ZER1: variants seen among roughly 807,000 people sequenced by gnomAD.
ZER1 encodes the protein zyg-11 related cell cycle regulator, also known as protein zer-1 homolog.
In ZER1, 11 loss-of-function variants were observed where a neutral mutation model predicts 78.8. That is an observed-to-expected ratio of 0.14 (90% CI 0.09 to 0.23). The LOEUF is 0.23. Ranked by LOEUF, ZER1 falls within the 10% of genes least tolerant of loss-of-function variation. The pLI is 1.00. For synonymous variants in ZER1, 400 were observed against 407.0 expected, an observed-to-expected ratio of 0.98 and a Z score of 0.21; for missense variants, 588 against 996.9, an observed-to-expected ratio of 0.59 and a Z score of 5.52.
At chr9:128,769,332 T>G (rs1328813055) in intron 1 of ZER1, among the ~76,000 whole-genome samples, 1 of 152,240 alleles carries the variant, frequency 6.6e-6, no homozygotes, top group Non-Finnish European at 1.5e-5. Context: ...ATTGAGCACT[T>G]TGTGTGAAAT....
chr9:128,731,289 C>T lies in ZER1; in HGVS notation c.*48G>A. 1.3e-6 allele frequency: 2 copies of T among 1,596,976 alleles called. No homozygotes were observed. The highest frequency in any genetic ancestry group is 1.7e-6 in the Non-Finnish European group (2 of 1,167,928). On this transcript the variant is annotated 3_prime_UTR_variant, in exon 16 of 16. Transcript: ENST00000291900. Reference sequence around the variant, plus strand: ...CCGCTGGGCTGCTTGAGCATGCTTCCTCCCCGCCTGTGGTCCAGAGCGGTG... The same window carrying T: ...CCGCTGGGCTGCTTGAGCATGCTTCTTCCCCGCCTGTGGTCCAGAGCGGTG...
chr9:128,742,040 G>C (rs535007318), intron 9 of ZER1, among the ~76,000 whole-genome samples, 199 bp from the exon 10 acceptor site: 5 of 152,344 alleles, frequency 3.3e-5, no homozygotes, highest in African/African-American at 7.2e-5. Context: ...GCAGGCCCGG[G>C]TGCCGTTCCT....
intron 1 of ZER1, among the ~76,000 whole-genome samples, chr9:128,768,709 T>C (rs1589551766): frequency 6.6e-6 from 1 of 152,050 alleles, no homozygotes; most frequent in East Asian, 1.9e-4. Context: ...GGGCTTGGGG[T>C]ATAAGGAGGG....
Position 128,751,114 on chromosome 9 carries a change from G to A in ZER1, c.1185+8C>T, listed in dbSNP as rs1221955428. ...ACAGGAGGCCAAGGCCCCAGGCTTG[G>A]AGCTGACCTTCAGGGCCCGCAGCAG... On this transcript the variant is annotated splice_region_variant and intron_variant, in intron 7 of 15. Coordinates refer to ENST00000291900, the MANE Select transcript of ZER1 (RefSeq NM_006336.4). This position sits in a 1 kb window ranked among gnomAD's most constrained non-coding sequence, Gnocchi z 5.4. 6.3e-7 allele frequency: 1 copy of A among 1,583,332 alleles called. No homozygotes were observed. The highest frequency in any genetic ancestry group is 8.6e-7 in the Non-Finnish European group (1 of 1,160,190).
chr9:128,737,171 G>GTGA (rs1863113745), intron 13 of ZER1, among the ~76,000 whole-genome samples: 1 of 151,804 alleles, frequency 6.6e-6, no homozygotes, highest in Admixed American at 6.6e-5. Flanking sequence ...TTTTGTAGAG[G>GTGA]TGAGGGCTCA....
intron 14 of ZER1, 53 bp from the exon 15 acceptor site, chr9:128,733,581 C>G: frequency 1.3e-6 from 2 of 1,536,146 alleles, no homozygotes; most frequent in Non-Finnish European, 1.8e-6. Flanking sequence ...CTTATCAGCC[C>G]GAGGCCCAGA....
At position 128,734,204 on chromosome 9, in the gene ZER1, AT is replaced by A. The variant is rs1183189767; in HGVS notation, c.2141-677del. 1.3e-3 allele frequency among the ~76,000 whole-genome samples: 137 copies of A among 101,834 alleles called. 2 individuals are homozygous for A. Among genetic ancestry groups the A allele is most frequent in the Non-Finnish European group, 2.3e-3 (112 of 47,886 alleles). 66.8% of individuals were successfully genotyped at this position (101,834 alleles called of 152,430 possible). ...TATATATATATATATAATAGATATA[AT>A]TTTTTTTTTGAGACAGAGTCTCACT... On this transcript the variant is annotated intron_variant, in intron 14 of 15. Coordinates refer to ENST00000291900, the MANE Select transcript of ZER1 (RefSeq NM_006336.4).
At position 128,734,142 on chromosome 9, in the gene ZER1, AAAAT is replaced by A. The variant is rs1488848822; in HGVS notation, c.2141-618_2141-615del. Among the ~76,000 whole-genome samples, 49 of 19,644 alleles carry A rather than the reference AAAAT, an allele frequency of 2.5e-3. 9 individuals carry two copies. Among genetic ancestry groups the A allele is most frequent in the African/African-American group, 5.7e-3 (47 of 8,182 alleles). The allele number at this position is 19,644 out of a possible 152,430, so 12.9% of individuals were successfully genotyped here. ...AACTCCGTCTCAAAAAAAAAAAAAAAAAATATATATATATATATATAAAATCTTA... is the reference window on the plus strand; with the variant it reads ...AACTCCGTCTCAAAAAAAAAAAAAAAATATATATATATATATAAAATCTTA... On this transcript the variant is annotated intron_variant, in intron 14 of 15. Coordinates refer to ENST00000291900, the MANE Select transcript of ZER1 (RefSeq NM_006336.4).
Position 128,740,136 on chromosome 9 carries a change from A to G in ZER1, c.1854-17T>C. 1 of 1,574,674 alleles carries G rather than the reference A, an allele frequency of 6.4e-7. No individual in the cohort carries two copies. The highest frequency in any genetic ancestry group is 8.7e-7 in the Non-Finnish European group (1 of 1,153,054). Reference sequence around the variant, plus strand: ...AACAGGTTGCTGCCAGGAGAAAGACAGAAAAATGGAGTCCCACTCCCCCAG... The same window carrying G: ...AACAGGTTGCTGCCAGGAGAAAGACGGAAAAATGGAGTCCCACTCCCCCAG... On this transcript the variant is annotated splice_polypyrimidine_tract_variant and intron_variant, in intron 12 of 15. Transcript: ENST00000291900. The surrounding 1 kb of genome is among the most constrained non-coding windows in gnomAD (Gnocchi z 4.4).
At position 128,742,639 on chromosome 9, in the gene ZER1, G is replaced by A. The variant is rs908626349; in HGVS notation, c.1466C>T (p.Thr489Met). 6.2e-6 allele frequency: 10 copies of A among 1,614,130 alleles called. No homozygotes were observed. Among genetic ancestry groups the A allele is most frequent in the South Asian group, 1.1e-5 (1 of 91,092 alleles). ...NELLLSILNP[T>M]RQDESIQRIA... ...CCGCTGGATAGACTCGTCCTGCCGC[G>A]TGGGGTTGAGGATGCTGAGCAGGAG... The change falls in exon 9 of 16, where the codon ACG (threonine) becomes ATG (methionine). Residue 489 changes from threonine to methionine, a missense_variant. Coordinates refer to ENST00000291900, the MANE Select transcript of ZER1 (RefSeq NM_006336.4).
rs1446394566 is a variant in ZER1 at position 128,733,581 on chromosome 9, C to T, written c.2141-53G>A. The T allele has an allele frequency of 1.0e-5, 16 of 1,536,146 alleles. No individual in the cohort carries two copies. In the East Asian group the frequency reaches 2.7e-4, roughly 26 times the overall value. On this transcript the variant is annotated intron_variant, in intron 14 of 15. Transcript: ENST00000291900. ...ATCAGGATGGGTCTTCTTATCAGCC[C>T]GAGGCCCAGAAACCCACCCTGTCTG...
intron 15 of ZER1, among the ~76,000 whole-genome samples, chr9:128,731,986 G>A (rs1862842309): frequency 1.3e-5 from 2 of 152,220 alleles, no homozygotes; most frequent in South Asian, 4.1e-4. Flanking sequence ...TGTCACCTTG[G>A]ACCCCGGACA....
intron 1 of ZER1, among the ~76,000 whole-genome samples, chr9:128,756,869 T>C (rs1264956641): frequency 1.3e-5 from 2 of 152,198 alleles, no homozygotes; most frequent in Non-Finnish European, 2.9e-5. Flanking sequence ...GGATGAATTG[T>C]GTGACATGTG....
chr9:128,740,237 T>C lies in ZER1; in HGVS notation c.1854-118A>G. ...AGGTGCTACTTATTTCTTTATCCCA[T>C]ATCGTCTATATACCCAGACTACTTC... On this transcript the variant is annotated intron_variant, in intron 12 of 15. Coordinates refer to ENST00000291900, the MANE Select transcript of ZER1 (RefSeq NM_006336.4). This position sits in a 1 kb window ranked among gnomAD's most constrained non-coding sequence, Gnocchi z 4.4. 1 of 977,342 alleles carries C rather than the reference T, an allele frequency of 1.0e-6. No individual in the cohort carries two copies. Among genetic ancestry groups the C allele is most frequent in the Admixed American group, 2.7e-5 (1 of 36,838 alleles). The allele number at this position is 977,342 out of a possible 1,614,324, so 60.5% of individuals were successfully genotyped here.
At chr9:128,759,206 T>C (rs370902424) in intron 1 of ZER1, among the ~76,000 whole-genome samples, 1 of 150,088 alleles carries the variant, frequency 6.7e-6, no homozygotes, top group Admixed American at 6.6e-5. Context: ...AGTCTAACCC[T>C]GTCATCTAGG....
intron 15 of ZER1, 32 bp from the exon 16 acceptor site, chr9:128,731,426 G>A: frequency 2.1e-6 from 3 of 1,404,858 alleles, no homozygotes; most frequent in South Asian, 1.2e-5. Context: ...GGATTGGAGG[G>A]TGGGCTTGGG....
intron 1 of ZER1, among the ~76,000 whole-genome samples, chr9:128,767,198 C>T (rs1864241593): frequency 6.6e-6 from 1 of 151,978 alleles, no homozygotes; most frequent in Non-Finnish European, 1.5e-5. Flanking sequence ...CTGCCTCGGC[C>T]TCCCAAAGTG....
chr9:128,735,748 C>T (rs1474586100), intron 13 of ZER1, among the ~76,000 whole-genome samples: 2 of 130,674 alleles, frequency 1.5e-5, no homozygotes, highest in South Asian at 2.5e-4. Flanking sequence ...GGAACAGAAG[C>T]ACGTGTGACC....
chr9:128,766,076 C>T (rs1459729391), intron 1 of ZER1, among the ~76,000 whole-genome samples: 1 of 152,202 alleles, frequency 6.6e-6, no homozygotes, highest in Admixed American at 6.5e-5. Flanking sequence ...TCTGGCTGGG[C>T]GTGGAGGCTC....
Sources: allele counts gnomAD v4.1 joint callset (sites outside exome capture counted in the v4.1 genomes callset), GRCh38; gene constraint gnomAD v4.1.1; non-coding constraint Gnocchi (gnomAD v3.1); transcripts MANE v1.5; gene names NCBI Gene and HGNC (gene_info 2026-07-23, HGNC 2026-07-21).